C1QTNF7: variants seen among roughly 807,000 people sequenced by gnomAD.
The protein encoded by C1QTNF7 is complement C1q tumor necrosis factor-related protein 7.
In C1QTNF7, 15 loss-of-function variants were observed where a neutral mutation model predicts 19.6. That is an observed-to-expected ratio of 0.76 (90% confidence interval 0.51 to 1.18). The LOEUF (loss-of-function observed/expected upper bound fraction) is 1.18, where lower values mean the gene tolerates loss of function less well. C1QTNF7 is among the 50% of genes most tolerant of loss of function. The pLI, the probability that C1QTNF7 is intolerant of heterozygous loss-of-function variation, is 0.00. For missense variants in C1QTNF7, 324 were observed against 359.7 expected, an observed-to-expected ratio of 0.90 and a Z score of 0.80; for synonymous variants, 142 against 137.5, an observed-to-expected ratio of 1.03 and a Z score of -0.23.
At chr4:15,402,287 TA>T (rs1719022100) in intron 1 of C1QTNF7, among the ~76,000 whole-genome samples, 2 of 152,174 alleles carry the variant, frequency 1.3e-5, no homozygotes, top group African/African-American at 2.4e-5. Flanking sequence ...AGCTATGCTA[TA>T]ACTATAAAAG....
At chr4:15,420,888 C>T (rs1412352133) in intron 1 of C1QTNF7, among the ~76,000 whole-genome samples, 1 of 142,760 alleles carries the variant, frequency 7.0e-6, no homozygotes, top group Non-Finnish European at 1.5e-5. Context: ...TCCTCCCCAG[C>T]ACACTGAGTC....
intron 1 of C1QTNF7, among the ~76,000 whole-genome samples, chr4:15,351,607 C>T (rs552171113): frequency 3.9e-5 from 6 of 152,238 alleles, no homozygotes; most frequent in African/African-American, 1.2e-4. Flanking sequence ...AAGCGGCGCC[C>T]GAGACTAGTA....
chr4:15,373,241 T>C (rs1471851802), intron 1 of C1QTNF7, among the ~76,000 whole-genome samples: 1 of 152,196 alleles, frequency 6.6e-6, no homozygotes, highest in Non-Finnish European at 1.5e-5. Flanking sequence ...ACAAATGCTA[T>C]GTCCACACAT....
At chr4:15,387,096 A>T (rs936484678) in intron 1 of C1QTNF7, among the ~76,000 whole-genome samples, 1 of 152,200 alleles carries the variant, frequency 6.6e-6, no homozygotes, top group Non-Finnish European at 1.5e-5. Context: ...ACTTGAGGTG[A>T]TGTTTATGGG....
At chr4:15,372,366 A>G (rs1002253527) in intron 1 of C1QTNF7, among the ~76,000 whole-genome samples, 1 of 152,234 alleles carries the variant, frequency 6.6e-6, no homozygotes, top group Non-Finnish European at 1.5e-5. Context: ...ATGAGGACAC[A>G]GAAGGGAGGC....
At chr4:15,392,213 A>T (rs1040680450) in intron 1 of C1QTNF7, among the ~76,000 whole-genome samples, 8 of 152,178 alleles carry the variant, frequency 5.3e-5, no homozygotes, top group African/African-American at 1.9e-4. Flanking sequence ...TCATCCAGGT[A>T]TCGAGAAAAG....
chr4:15,432,342 A>G (rs1299024292), intron 1 of C1QTNF7, among the ~76,000 whole-genome samples: 4 of 152,194 alleles, frequency 2.6e-5, no homozygotes, highest in Admixed American at 6.5e-5. Flanking sequence ...TACTTGACTG[A>G]CCAGTCACCA....
Position 15,442,667 on chromosome 4 carries a change from G to A in C1QTNF7, c.738G>A (p.Trp246Ter). 2 of 1,614,178 alleles carry A rather than the reference G, an allele frequency of 1.2e-6. No individual in the cohort carries two copies. The highest frequency in any genetic ancestry group is 1.7e-6 in the Non-Finnish European group (2 of 1,180,040). ...ATCTGCAGCCAGAAGATGAAGTCTG[G>A]CTGGAGATTTTCTTCACAGACCAGA... ...VIYLQPEDEV[W>*]LEIFFTDQNG... Residue 246 changes from tryptophan (W) to a stop codon, truncating the protein, a stop_gained, in exon 3 of 3, where the codon TGG (tryptophan) becomes TGA (stop). Coordinates refer to ENST00000444304, the MANE Select transcript of C1QTNF7 (RefSeq NM_031911.5). LOFTEE classifies it high-confidence loss of function.
At chr4:15,384,933 T>C (rs1387813592) in intron 1 of C1QTNF7, among the ~76,000 whole-genome samples, 1 of 152,110 alleles carries the variant, frequency 6.6e-6, no homozygotes, top group East Asian at 1.9e-4. Context: ...AAGAGCAGGA[T>C]TGGACAGACC....
intron 1 of C1QTNF7, among the ~76,000 whole-genome samples, chr4:15,407,881 G>T (rs986798193): frequency 6.6e-6 from 1 of 152,072 alleles, no homozygotes; most frequent in African/African-American, 2.4e-5. Context: ...AGCCCAGAAG[G>T]CAGAGGTCGC....
intron 1 of C1QTNF7, among the ~76,000 whole-genome samples, chr4:15,428,811 C>T (rs576454321): frequency 6.6e-6 from 1 of 152,332 alleles, no homozygotes; most frequent in African/African-American, 2.4e-5. Flanking sequence ...GTTGTGAAAT[C>T]TCCACCTCTG....
intron 1 of C1QTNF7, among the ~76,000 whole-genome samples, chr4:15,367,000 A>G (rs530076285): frequency 6.6e-6 from 1 of 152,214 alleles, no homozygotes; most frequent in East Asian, 1.9e-4. Flanking sequence ...TTTTGGTTCA[A>G]CCATTTACAT....
At chr4:15,388,722 A>G (rs1015942092) in intron 1 of C1QTNF7, among the ~76,000 whole-genome samples, 1 of 152,206 alleles carries the variant, frequency 6.6e-6, no homozygotes, top group Non-Finnish European at 1.5e-5. Context: ...TGAGACCAGG[A>G]TATGTGATGA....
At chr4:15,361,819 T>A (rs1014799419) in intron 1 of C1QTNF7, among the ~76,000 whole-genome samples, 14 of 152,194 alleles carry the variant, frequency 9.2e-5, no homozygotes, top group Non-Finnish European at 1.8e-4. Flanking sequence ...AGTAGACGGT[T>A]ACATTTAATT....
In C1QTNF7 at chr4:15,442,290, C is replaced by G; in HGVS notation, c.361C>G (p.Pro121Ala). 6.2e-7 allele frequency: 1 copy of G among 1,614,052 alleles called. No individual in the cohort carries two copies. The highest frequency in any genetic ancestry group is 8.5e-7 in the Non-Finnish European group (1 of 1,180,032). Residue 121 changes from proline (P) to alanine (A), a missense_variant, in exon 3 of 3, where the codon CCT becomes GCT. Pro to Ala is a conservative substitution (Grantham distance 27). Coordinates refer to ENST00000444304, the MANE Select transcript of C1QTNF7 (RefSeq NM_031911.5). Reference sequence around the variant, plus strand: ...AGGAGAAGTAGGTCCAATTGGTCCTCCTGGACCAAAGGGAGACAGAGGAGA... The same window carrying G: ...AGGAGAAGTAGGTCCAATTGGTCCTGCTGGACCAAAGGGAGACAGAGGAGA... The part of the protein sequence containing the change: ...EKGEVGPIGP[P>A]GPKGDRGEQG...
intron 1 of C1QTNF7, among the ~76,000 whole-genome samples, chr4:15,350,098 A>G (rs1383967333): frequency 2.6e-3 from 198 of 75,974 alleles, no homozygotes; most frequent in Middle Eastern, 9.6e-3. Flanking sequence ...AGGGAGGGAG[A>G]GAGGAAGGGA....
At chr4:15,408,863 T>C (rs1162620537) in intron 1 of C1QTNF7, among the ~76,000 whole-genome samples, 1 of 152,176 alleles carries the variant, frequency 6.6e-6, no homozygotes, top group Non-Finnish European at 1.5e-5. Context: ...ACCACCAAAA[T>C]TCATGTGTTG....
intron 1 of C1QTNF7, among the ~76,000 whole-genome samples, chr4:15,422,643 C>G (rs1399119286): frequency 6.6e-6 from 1 of 151,658 alleles, no homozygotes; most frequent in East Asian, 1.9e-4. Flanking sequence ...CTTGCTTTGT[C>G]ACCTAGGCTG....
chr4:15,341,107 A>G (rs974580161), intron 1 of C1QTNF7, among the ~76,000 whole-genome samples: 1 of 152,262 alleles, frequency 6.6e-6, no homozygotes, highest in African/African-American at 2.4e-5. Flanking sequence ...TTCTTCCAGC[A>G]GGCTGAGATT....
Sources: gnomAD v4.1 joint callset for allele counts (sites outside exome capture counted in the v4.1 genomes callset) on GRCh38, gnomAD v4.1.1 for gene constraint, MANE v1.5 for transcripts, NCBI Gene and HGNC (gene_info 2026-07-23, HGNC 2026-07-21) for gene names.